ENTPD5: variants seen among roughly 807,000 people sequenced by gnomAD.
The protein encoded by ENTPD5 is ectonucleoside triphosphate diphosphohydrolase 5 (inactive).
A neutral mutation model predicts 60.2 loss-of-function variants in ENTPD5; 49 were observed. The observed-to-expected ratio is 0.81, with a 90% confidence interval of 0.65 to 1.03. The LOEUF is 1.03. ENTPD5 is among the 50% of genes least tolerant of loss of function. ENTPD5 has a pLI of 0.00. For missense variants in ENTPD5, 480 were observed against 507.6 expected (o/e 0.95, Z 0.52); for synonymous variants, 187 against 185.4 (o/e 1.01, Z -0.07).
At chr14:73,990,382 T>TGGAGA (rs773688739) in intron 3 of ENTPD5, among the ~76,000 whole-genome samples, 1 of 74,356 alleles carries the variant, frequency 1.3e-5, no homozygotes, top group Non-Finnish European at 4.3e-5. Flanking sequence ...TCACCCCGGC[T>TGGAGA]GGAGTGCAGT....
intron 3 of ENTPD5, chr14:73,996,021 G>T: frequency 5.1e-6 from 2 of 392,596 alleles, no homozygotes; most frequent in Non-Finnish European, 3.5e-6. Context: ...TTCCCAGAAC[G>T]TCACACTCTG....
chr14:73,961,782 A>C (rs1180320611), downstream of ENTPD5: 3 of 1,614,190 alleles, frequency 1.9e-6, no homozygotes, highest in Non-Finnish European at 2.5e-6. Context: ...AGACAGCGTC[A>C]CAACACTGCT....
chr14:73,963,508 A>C lies in ENTPD5; in HGVS notation c.*3420T>G, dbSNP rs1489302561. On this transcript the variant is annotated 3_prime_UTR_variant, in exon 16 of 16. Transcript: ENST00000334696. ...CTTTCTGAAAGGAAAACCAGGTCTC[A>C]TTAATGCTAGTTATTACTTTATCAC... 5.7e-6 allele frequency: 1 copy of C among 174,000 alleles called. No homozygotes were observed. The highest frequency in any genetic ancestry group is 1.2e-5 in the Non-Finnish European group (1 of 82,300). The allele number at this position is 174,000 out of a possible 1,614,324, so 10.8% of individuals were successfully genotyped here.
At chr14:73,958,851 G>T, downstream of ENTPD5, 2 of 1,546,844 alleles carry the variant, frequency 1.3e-6, no homozygotes, top group Non-Finnish European at 1.7e-6. Flanking sequence ...AAGCAGGCCT[G>T]ATGGAATTAT....
intron 3 of ENTPD5, among the ~76,000 whole-genome samples, chr14:73,991,423 T>C (rs2058122540): frequency 6.6e-6 from 1 of 151,976 alleles, no homozygotes; most frequent in South Asian, 2.1e-4. Context: ...CCCCCGTCTC[T>C]ACTAAAATAC....
At chr14:73,998,456 C>G (rs1320647250) in intron 3 of ENTPD5, among the ~76,000 whole-genome samples, 1 of 152,102 alleles carries the variant, frequency 6.6e-6, no homozygotes, top group Non-Finnish European at 1.5e-5. Flanking sequence ...TTCATTCAAC[C>G]TGTAGTAACC....
At chr14:74,014,394 A>C (rs1453282163) in intron 2 of ENTPD5, among the ~76,000 whole-genome samples, 2 of 144,240 alleles carry the variant, frequency 1.4e-5, no homozygotes, top group African/African-American at 2.5e-5. Flanking sequence ...CCCCCCCACA[A>C]AAAAAAGTTA....
At chr14:74,010,947 G>A (rs1330571262) in intron 3 of ENTPD5, 144 bp downstream of exon 3, 3 of 152,520 alleles carry the variant, frequency 2.0e-5, no homozygotes, top group African/African-American at 7.2e-5. Flanking sequence ...AACAGAATAA[G>A]GGTACTGCAC....
chr14:73,955,789 C>G (rs2056404100), downstream of ENTPD5: 5 of 1,614,138 alleles, frequency 3.1e-6, no homozygotes, highest in Non-Finnish European at 4.2e-6. Context: ...TGCAGACTTT[C>G]CTTTTGTGTT....
intron 3 of ENTPD5, among the ~76,000 whole-genome samples, chr14:73,995,422 G>A (rs1377650455): frequency 6.6e-6 from 1 of 151,866 alleles, no homozygotes; most frequent in Non-Finnish European, 1.5e-5. Context: ...GCACACAGTA[G>A]ATGTTGAATG....
chr14:73,984,696 T>C (rs963527956), intron 5 of ENTPD5, among the ~76,000 whole-genome samples: 2 of 151,906 alleles, frequency 1.3e-5, no homozygotes, highest in African/African-American at 2.4e-5. Flanking sequence ...TAATTATTTA[T>C]TTTTAATTAA....
Position 73,988,040 on chromosome 14 carries a change from G to T in ENTPD5, c.63C>A (p.Val21=). 9.3e-6 allele frequency: 15 copies of T among 1,614,034 alleles called. No homozygotes were observed. Among genetic ancestry groups the T allele is most frequent in the Non-Finnish European group, 1.2e-5 (14 of 1,180,020 alleles). ...MLVVSCVCSA[V]SHRNQQTWFE... is the part of the protein sequence containing the mutation. ...ACCAAGTCTGCTGGTTCCTGTGGGA[G>T]ACAGCGCTGCAAACACAGGATACCA... is the stretch of plus-strand genomic sequence containing the variant. The change falls in exon 4 of 16, where the codon GTC becomes GTA. Residue 21 remains valine, a synonymous_variant. Coordinates refer to ENST00000334696, the MANE Select transcript of ENTPD5 (RefSeq NM_001249.5).
chr14:74,017,279 T>C (rs1034961846), intron 1 of ENTPD5, among the ~76,000 whole-genome samples: 4 of 150,862 alleles, frequency 2.7e-5, no homozygotes, highest in Admixed American at 2.0e-4. Flanking sequence ...GATCGTGCTA[T>C]TGCACTCCAG....
intron 3 of ENTPD5, among the ~76,000 whole-genome samples, chr14:73,988,630 G>A (rs900985284): frequency 1.3e-5 from 2 of 151,976 alleles, no homozygotes; most frequent in Admixed American, 1.3e-4. Flanking sequence ...CTATTTAATT[G>A]TAAGTTTGTA....
downstream of ENTPD5, chr14:73,959,388 GTTGGTA>G: frequency 6.2e-7 from 1 of 1,614,138 alleles, no homozygotes; most frequent in Non-Finnish European, 8.5e-7. Context: ...AGTCTTAGCC[GTTGGTA>G]TTGGTGTTCT....
chr14:73,975,777 C>T (rs934629482), intron 10 of ENTPD5, among the ~76,000 whole-genome samples, 159 bp downstream of exon 10: 2 of 152,116 alleles, frequency 1.3e-5, no homozygotes, highest in Non-Finnish European at 1.5e-5. Context: ...TAGGCTCCTC[C>T]GGCTTTGTAA....
At position 73,969,940 on chromosome 14, in the gene ENTPD5, A is replaced by C. The variant is rs1331510629; in HGVS notation, c.1200+70T>G. On this transcript the variant is annotated intron_variant, in intron 15 of 15. Transcript: ENST00000334696. The stretch of plus-strand genomic sequence containing the variant: ...CACTTCTAGCTACTCTGATTACTGA[A>C]CAAGCTCTTACTCCTTCTCAACCCC... The C allele has an allele frequency of 1.0e-5, 11 of 1,086,400 alleles. No homozygotes were observed. The East Asian group carries it at 2.4e-4, about 23-fold the overall frequency. 67.3% of individuals were successfully genotyped at this position (1,086,400 alleles called of 1,614,324 possible). A position where few individuals can be genotyped will look rare whatever the true frequency, so the allele number is the denominator to read the frequency against.
intron 2 of ENTPD5, among the ~76,000 whole-genome samples, chr14:74,014,380 TCCC>T (rs59571519): frequency 7.0e-6 from 1 of 142,044 alleles, no homozygotes; most frequent in Non-Finnish European, 1.5e-5. Context: ...CAGTCTTTAC[TCCC>T]CCCCCCCACA....
chr14:73,983,623 CA>C (rs368194848), intron 5 of ENTPD5, among the ~76,000 whole-genome samples: 2,968 of 104,420 alleles, frequency 0.028, 108 homozygotes, highest in African/African-American at 0.085. Context: ...CACTCCATCT[CA>C]AAAAAAAAAA....
Sources: allele counts gnomAD v4.1 joint callset (sites outside exome capture counted in the v4.1 genomes callset), GRCh38; gene constraint gnomAD v4.1.1; transcripts MANE v1.5; gene names NCBI Gene and HGNC (gene_info 2026-07-23, HGNC 2026-07-21).